The following PCBP3 variants were observed in gnomAD, a reference collection of about 807,000 sequenced individuals.
PCBP3 encodes poly(rC) binding protein 3.
Under a neutral mutation model 52.7 loss-of-function variants are expected in PCBP3, and 25 were observed. That is an observed-to-expected ratio of 0.47 (90% confidence interval 0.35 to 0.66). PCBP3 has a LOEUF of 0.66. Among genes scored for constraint, PCBP3 ranks in the 30% least tolerant of loss-of-function variants. The pLI is 0.01. For synonymous variants in PCBP3, 162 were observed against 183.0 expected (o/e 0.89, Z 0.93); for missense variants, 391 against 490.3 (o/e 0.80, Z 1.91).
Position 45,704,698 on chromosome 21 carries a change from T to A in PCBP3, c.-199-30694T>A, listed in dbSNP as rs183632971. ...TCCGTTTACAACAGCAAGAGATGCC[T>A]TGTCCATAGCTTCCTGACCTCTGGA... On this transcript the variant is annotated intron_variant, in intron 2 of 17. Transcript: ENST00000681687. This position sits in a 1 kb window ranked among gnomAD's most constrained non-coding sequence, Gnocchi z 4.1. Among the ~76,000 whole-genome samples, 5 of 152,198 alleles carry A rather than the reference T, an allele frequency of 3.3e-5. No homozygotes were observed. The highest frequency in any genetic ancestry group is 7.2e-5 in the African/African-American group (3 of 41,450).
chr21:45,928,431 A>C lies in PCBP3; in HGVS notation c.718-1486A>C, dbSNP rs2075766165. 6.6e-6 allele frequency among the ~76,000 whole-genome samples: 1 copy of C among 152,124 alleles called. No individual in the cohort carries two copies. The highest frequency in any genetic ancestry group is 1.5e-5 in the Non-Finnish European group (1 of 67,976). On this transcript the variant is annotated intron_variant, in intron 13 of 17. Coordinates refer to ENST00000681687, the MANE Select transcript of PCBP3 (RefSeq NM_001384156.1). The surrounding 1 kb of genome is among the most constrained non-coding windows in gnomAD (Gnocchi z 4.1). ...CTCCCAGGGTACTAGGTACTGAGGA[A>C]GGAAGGGCCTTTATCTTGACTCTGG... is the stretch of plus-strand genomic sequence containing the variant.
intron 5 of PCBP3, among the ~76,000 whole-genome samples, chr21:45,852,437 CTTCT>C (rs2094063059): frequency 1.6e-5 from 1 of 61,956 alleles, no homozygotes; most frequent in South Asian, 1.1e-3. Context: ...GCCACCCTGA[CTTCT>C]GTTCGGAAGG....
intron 4 of PCBP3, among the ~76,000 whole-genome samples, chr21:45,826,359 A>G (rs2093308712): frequency 6.6e-6 from 1 of 152,190 alleles, no homozygotes; most frequent in African/African-American, 2.4e-5. Flanking sequence ...TTCCTGTTAA[A>G]AGACAGGCAC....
intron 13 of PCBP3, among the ~76,000 whole-genome samples, chr21:45,925,576 GT>G (rs1024239432): frequency 2.6e-4 from 39 of 150,478 alleles, no homozygotes; most frequent in Non-Finnish European, 7.4e-5. Context: ...TAATTTTTTT[GT>G]TTTTTTTTCT....
At chr21:45,681,702 G>A (rs1187806505) in intron 2 of PCBP3, among the ~76,000 whole-genome samples, 1 of 152,098 alleles carries the variant, frequency 6.6e-6, no homozygotes, top group African/African-American at 2.4e-5. Context: ...ATGTAGGTCT[G>A]TATTTTTATT....
intron 4 of PCBP3, among the ~76,000 whole-genome samples, chr21:45,801,777 G>T (rs1186094992): frequency 1.3e-5 from 2 of 152,244 alleles, no homozygotes; most frequent in Non-Finnish European, 2.9e-5. Context: ...TTGCTAATTT[G>T]TTGCATTAGC....
Position 45,917,977 on chromosome 21 carries a change from T to C in PCBP3, c.717+348T>C. The C allele has an allele frequency of 8.9e-6, 3 of 337,304 alleles. No individual in the cohort carries two copies. Among genetic ancestry groups the C allele is most frequent in the African/African-American group, 2.1e-5 (1 of 47,068 alleles). 20.9% of individuals were successfully genotyped at this position (337,304 alleles called of 1,614,324 possible). ...CGCCACAGGCAGGCGTCAGTGATAC[T>C]TTCTCTGCGCCTAAGAAGTTGGGTG... On this transcript the variant is annotated intron_variant, in intron 13 of 17. Coordinates refer to ENST00000681687, the MANE Select transcript of PCBP3 (RefSeq NM_001384156.1). This position sits in a 1 kb window ranked among gnomAD's most constrained non-coding sequence, Gnocchi z 5.3.
rs117324289 is a variant in PCBP3, at chr21:45,755,044, C to A, written c.-161-373C>A. Among the ~76,000 whole-genome samples, 207 of 152,158 alleles carry A rather than the reference C, an allele frequency of 1.4e-3. 1 individual carries two copies. The highest frequency in any genetic ancestry group is 2.2e-3 in the Admixed American group (33 of 15,276). ...AAGGATACAGTTTTATGAGTTTCAA[C>A]AAATTTATGCAGATATTAGCTATCA... On this transcript the variant is annotated intron_variant, in intron 3 of 17. Coordinates refer to ENST00000681687, the MANE Select transcript of PCBP3 (RefSeq NM_001384156.1).
At position 45,820,003 on chromosome 21, in the gene PCBP3, G is replaced by T. The variant is rs76056292; in HGVS notation, c.-125-29958G>T. The stretch of plus-strand genomic sequence containing the variant: ...TCACTCCAGGCAGTTACTCAGGCCC[G>T]CTGGGGAAGGTGGGGTGAATGTTTG... On this transcript the variant is annotated intron_variant, in intron 4 of 17. Coordinates refer to ENST00000681687, the MANE Select transcript of PCBP3 (RefSeq NM_001384156.1). Among the ~76,000 whole-genome samples the T allele has an allele frequency of 2.0e-3, 311 of 152,330 alleles. 1 individual carries two copies. Among genetic ancestry groups the T allele is most frequent in the African/African-American group, 7.2e-3 (300 of 41,578 alleles).
intron 1 of PCBP3, among the ~76,000 whole-genome samples, chr21:45,650,690 A>G (rs542996844): frequency 6.6e-6 from 1 of 152,318 alleles, no homozygotes; most frequent in South Asian, 2.1e-4. Context: ...CCTGGGCTCA[A>G]GAAATTCTCC....
At chr21:45,685,443 A>C (rs1365821771) in intron 2 of PCBP3, among the ~76,000 whole-genome samples, 1 of 152,186 alleles carries the variant, frequency 6.6e-6, no homozygotes. Context: ...TAAAAATAAG[A>C]AATACAAAAA....
At chr21:45,732,504 A>ATT (rs375222931) in intron 2 of PCBP3, among the ~76,000 whole-genome samples, 26,171 of 141,862 alleles carry the variant, frequency 0.18, 2,744 homozygotes, top group Non-Finnish European at 0.24. Context: ...TGCCTTTACG[A>ATT]TTTTTTTTTT....
chr21:45,799,721 G>A (rs994769048), intron 4 of PCBP3, among the ~76,000 whole-genome samples: 12 of 152,356 alleles, frequency 7.9e-5, no homozygotes, highest in East Asian at 3.9e-4. Flanking sequence ...CCAGGCACGC[G>A]TCCACGGCAG....
rs934305444 is a variant in PCBP3 at position 45,735,770 on chromosome 21, T to C, written c.-162+341T>C. 6.6e-5 allele frequency among the ~76,000 whole-genome samples: 10 copies of C among 152,236 alleles called. No individual in the cohort carries two copies. The highest frequency in any genetic ancestry group is 2.4e-4 in the African/African-American group (10 of 41,476). ...AGTTGTTAGTGCACTTGGAGCCTAC[T>C]GCACGAGCCTACCGCACAAGCCTAC... On this transcript the variant is annotated intron_variant, in intron 3 of 17. Transcript: ENST00000681687. This position sits in a 1 kb window ranked among gnomAD's most constrained non-coding sequence, Gnocchi z 4.0.
At chr21:45,746,585 G>T (rs113611357) in intron 3 of PCBP3, among the ~76,000 whole-genome samples, 1 of 3,184 alleles carries the variant, frequency 3.1e-4, no homozygotes, top group African/African-American at 2.5e-3. Flanking sequence ...GCACACGGTG[G>T]TGTCAGCATC....
intron 5 of PCBP3, among the ~76,000 whole-genome samples, chr21:45,862,914 A>G (rs1469890000): frequency 2.0e-5 from 3 of 152,038 alleles, no homozygotes; most frequent in African/African-American, 7.3e-5. Flanking sequence ...ACTTTCTCCT[A>G]CTCTGTGGCA....
At chr21:45,722,247 A>G (rs1309477556) in intron 2 of PCBP3, among the ~76,000 whole-genome samples, 1 of 152,234 alleles carries the variant, frequency 6.6e-6, no homozygotes, top group African/African-American at 2.4e-5. Flanking sequence ...TCAGTAATGT[A>G]TGTAAAAATG....
At chr21:45,818,894 A>C (rs1172043036) in intron 4 of PCBP3, among the ~76,000 whole-genome samples, 9 of 152,258 alleles carry the variant, frequency 5.9e-5, no homozygotes, top group Non-Finnish European at 1.3e-4. Context: ...TTACTTAGTG[A>C]AAGAGGCCAG....
intron 5 of PCBP3, among the ~76,000 whole-genome samples, chr21:45,893,541 G>T (rs2095737479): frequency 6.6e-6 from 1 of 152,114 alleles, no homozygotes; most frequent in Non-Finnish European, 1.5e-5. Context: ...ATCTGCAGAT[G>T]GTGGTCCACA....
Sources: allele counts gnomAD v4.1 joint callset (sites outside exome capture counted in the v4.1 genomes callset), GRCh38; gene constraint gnomAD v4.1.1; non-coding constraint Gnocchi (gnomAD v3.1); transcripts MANE v1.5; gene names NCBI Gene and HGNC (gene_info 2026-07-23, HGNC 2026-07-21).